Variants in HERC4 observed in about 807,000 individuals in gnomAD.
The protein encoded by HERC4 is HECT and RLD domain containing E3 ubiquitin protein ligase 4.
HERC4 carries 28 observed loss-of-function variants against 124.3 expected under a neutral mutation model. The ratio of observed to expected loss-of-function variants is 0.23; its 90% CI spans 0.17 to 0.31. HERC4 has a LOEUF of 0.31. HERC4 is among the 10% of genes least tolerant of loss of function. HERC4 has a pLI of 1.00. For missense variants in HERC4, 713 were observed against 1,229.3 expected, an observed-to-expected ratio of 0.58 and a Z score of 6.28; for synonymous variants, 407 against 421.5, an observed-to-expected ratio of 0.97 and a Z score of 0.42.
chr10:67,960,316 C>T (rs944472731), intron 16 of HERC4, among the ~76,000 whole-genome samples: 1 of 152,176 alleles, frequency 6.6e-6, no homozygotes, highest in Non-Finnish European at 1.5e-5. Context: ...CCAGACTCTG[C>T]CCTGTGTGTT....
intron 20 of HERC4, among the ~76,000 whole-genome samples, chr10:67,940,231 G>T (rs1379427666): frequency 6.6e-6 from 1 of 151,924 alleles, no homozygotes; most frequent in African/African-American, 2.4e-5. Flanking sequence ...TGGCCCATTT[G>T]TCCTAACTTA....
intron 19 of HERC4, among the ~76,000 whole-genome samples, chr10:67,944,106 G>C (rs753022579): frequency 2.6e-5 from 4 of 152,234 alleles, no homozygotes; most frequent in African/African-American, 9.6e-5. Flanking sequence ...AGCAAACAAA[G>C]GCAGTAGCCA....
chr10:67,955,231 T>G, intron 17 of HERC4, 101 bp from the exon 18 acceptor site: 1 of 981,884 alleles, frequency 1.0e-6, no homozygotes. Flanking sequence ...TATTCTATAA[T>G]TCCTATGCTA....
chr10:67,963,416 C>T (rs939790558), intron 16 of HERC4, among the ~76,000 whole-genome samples: 1 of 152,038 alleles, frequency 6.6e-6, no homozygotes, highest in African/African-American at 2.4e-5. Context: ...GGGGTTTCGC[C>T]ATATTGGCCA....
chr10:68,027,263 GT>G (rs2133290773), intron 7 of HERC4, among the ~76,000 whole-genome samples: 1 of 152,210 alleles, frequency 6.6e-6, no homozygotes, highest in South Asian at 2.1e-4. Flanking sequence ...AATACACAAG[GT>G]AAAGAGAAAA....
rs535880448 is a variant in HERC4, at chr10:68,055,110, C to T, written c.227-10547G>A. On this transcript the variant is annotated intron_variant, in intron 3 of 24. Coordinates refer to ENST00000373700, the MANE Select transcript of HERC4 (RefSeq NM_015601.4). ...GCTATTTTTGTATTTTTATTAGGGA[C>T]GGGGTTTCACCATGTTGCCCAGGCT... Among the ~76,000 whole-genome samples, 38 of 151,800 alleles carry T rather than the reference C, an allele frequency of 2.5e-4. 1 individual carries two copies. Among genetic ancestry groups the T allele is most frequent in the African/African-American group, 8.9e-4 (37 of 41,382 alleles).
intron 3 of HERC4, among the ~76,000 whole-genome samples, chr10:68,056,209 T>C (rs926373238): frequency 2.0e-5 from 3 of 152,198 alleles, no homozygotes. Context: ...AAGCCAAGAA[T>C]GAACCCTCAG....
chr10:67,948,845 T>C (rs567461898), intron 19 of HERC4, among the ~76,000 whole-genome samples: 4 of 151,178 alleles, frequency 2.6e-5, no homozygotes, highest in African/African-American at 7.3e-5. Context: ...GGCTTGAACA[T>C]GGGAGGCAGA....
chr10:68,062,212 A>G (rs1393545484), intron 3 of HERC4, among the ~76,000 whole-genome samples: 1 of 152,150 alleles, frequency 6.6e-6, no homozygotes, highest in Admixed American at 6.5e-5. Flanking sequence ...TAATATTATT[A>G]AGTTTACCAC....
intron 8 of HERC4, among the ~76,000 whole-genome samples, chr10:68,018,587 ATGAG>A (rs2038405670): frequency 6.6e-6 from 1 of 152,222 alleles, no homozygotes; most frequent in South Asian, 2.1e-4. Flanking sequence ...GACTACGTAC[ATGAG>A]TAAGTTATTA....
chr10:67,928,693 C>T (rs532654155), intron 23 of HERC4, among the ~76,000 whole-genome samples: 2 of 152,050 alleles, frequency 1.3e-5, no homozygotes, highest in African/African-American at 4.8e-5. Flanking sequence ...GAGGCCGAGG[C>T]GAGTGGATCA....
chr10:67,975,113 C>G (rs984986610), intron 15 of HERC4, among the ~76,000 whole-genome samples: 3 of 151,800 alleles, frequency 2.0e-5, no homozygotes, highest in Non-Finnish European at 4.4e-5. Flanking sequence ...CGCTTGAACC[C>G]GGGAGGCAGA....
chr10:67,994,525 C>G (rs1473116826), intron 9 of HERC4: 1 of 152,142 alleles, frequency 6.6e-6, no homozygotes, highest in Non-Finnish European at 1.5e-5. Context: ...CTCCATCTCC[C>G]AAGTTCAAGC....
At chr10:68,008,148 T>G (rs1204407034) in intron 9 of HERC4, 2 of 152,234 alleles carry the variant, frequency 1.3e-5, no homozygotes, top group African/African-American at 4.8e-5. Flanking sequence ...CAAATGAAGT[T>G]TCCCTCTCAC....
At chr10:67,983,883 A>C (rs1206600160) in intron 15 of HERC4, among the ~76,000 whole-genome samples, 1 of 151,982 alleles carries the variant, frequency 6.6e-6, no homozygotes, top group African/African-American at 2.4e-5. Context: ...GAATCGCTTG[A>C]ACCCGGGAGA....
At chr10:68,028,468 T>C (rs1292911910) in intron 7 of HERC4, among the ~76,000 whole-genome samples, 1 of 152,214 alleles carries the variant, frequency 6.6e-6, no homozygotes, top group African/African-American at 2.4e-5. Context: ...TTTGCTTTTT[T>C]GTAACACAAA....
intron 11 of HERC4, 151 bp from the exon 12 acceptor site, chr10:67,991,350 A>G: frequency 7.0e-6 from 3 of 428,400 alleles, no homozygotes; most frequent in Non-Finnish European, 1.2e-5. Flanking sequence ...AGAATTACAT[A>G]AATTGCTAAA....
At chr10:67,956,609 T>C (rs1401415478) in intron 17 of HERC4, 1 of 230,734 alleles carries the variant, frequency 4.3e-6, no homozygotes, top group African/African-American at 2.3e-5. Context: ...AAACGGTTTA[T>C]AAAGATTGAA....
At chr10:68,073,480 T>C (rs987451514) in intron 2 of HERC4, among the ~76,000 whole-genome samples, 177 bp downstream of exon 2, 1 of 152,234 alleles carries the variant, frequency 6.6e-6, no homozygotes, top group Non-Finnish European at 1.5e-5. Context: ...TAGGAATAAG[T>C]ACCTTGATGA....
Sources: allele counts gnomAD v4.1 joint callset (sites outside exome capture counted in the v4.1 genomes callset), GRCh38; gene constraint gnomAD v4.1.1; transcripts MANE v1.5; gene names NCBI Gene and HGNC (gene_info 2026-07-23, HGNC 2026-07-21).